Variants in KIF21A observed in about 807,000 individuals in gnomAD.
KIF21A encodes the protein kinesin family member 21A.
In KIF21A, 114 loss-of-function variants were observed where a neutral mutation model predicts 202.9. The ratio of observed to expected loss-of-function variants is 0.56; its 90% CI spans 0.48 to 0.66. KIF21A has a LOEUF of 0.66. KIF21A is among the 30% of genes least tolerant of loss of function. The pLI is 0.00. For missense variants in KIF21A, 1,677 were observed against 1,994.9 expected (o/e 0.84, Z 3.04); for synonymous variants, 667 against 670.8 (o/e 0.99, Z 0.09).
At chr12:39,307,853 T>G (rs1943628957) in intron 33 of KIF21A, 124 bp from the exon 34 acceptor site, 1 of 751,460 alleles carries the variant, frequency 1.3e-6, no homozygotes. Flanking sequence ...TGTCACTATA[T>G]GTATACTACC....
intron 1 of KIF21A, among the ~76,000 whole-genome samples, chr12:39,437,981 A>G (rs1441315152): frequency 6.6e-6 from 1 of 152,198 alleles, no homozygotes; most frequent in East Asian, 1.9e-4. Context: ...TCCTTATTAC[A>G]TTGAAATTAT....
At chr12:39,435,037 C>CAAAAGGTAACA (rs1392808793) in intron 1 of KIF21A, among the ~76,000 whole-genome samples, 1 of 152,158 alleles carries the variant, frequency 6.6e-6, no homozygotes, top group Admixed American at 6.5e-5. Context: ...AATCCAGTCT[C>CAAAAGGTAACA]AAAAGGTAAC....
At chr12:39,321,015 T>G (rs1435261422) in intron 27 of KIF21A, among the ~76,000 whole-genome samples, 1 of 151,166 alleles carries the variant, frequency 6.6e-6, no homozygotes, top group Non-Finnish European at 1.5e-5. Flanking sequence ...AGAATGGGTT[T>G]GCATGATTCC....
chr12:39,309,795 C>T (rs745370423), intron 32 of KIF21A, 29 bp from the exon 33 acceptor site: 1 of 1,582,032 alleles, frequency 6.3e-7, no homozygotes, highest in Admixed American at 1.7e-5. Context: ...AAAAAGAAAA[C>T]ACCATTAATA....
intron 37 of KIF21A, among the ~76,000 whole-genome samples, chr12:39,297,317 C>G (rs1031792824): frequency 2.0e-5 from 3 of 151,940 alleles, no homozygotes; most frequent in Non-Finnish European, 4.4e-5. Flanking sequence ...ATTCACAATA[C>G]CAAAGACTTG....
intron 31 of KIF21A, chr12:39,312,136 A>T (rs1399046701): frequency 6.5e-6 from 1 of 153,728 alleles, no homozygotes; most frequent in African/African-American, 2.4e-5. Context: ...ATTTAAAATA[A>T]CAGTGAATGG....
chr12:39,302,244 T>C (rs1943030846), intron 36 of KIF21A, among the ~76,000 whole-genome samples: 1 of 152,194 alleles, frequency 6.6e-6, no homozygotes, highest in South Asian at 2.1e-4. Context: ...ATCATGAATG[T>C]ATGTTTATTT....
At chr12:39,404,629 T>C (rs190634829) in intron 1 of KIF21A, among the ~76,000 whole-genome samples, 57 of 152,334 alleles carry the variant, frequency 3.7e-4, no homozygotes, top group Admixed American at 5.9e-4. Flanking sequence ...TTAGCATAAA[T>C]GCCATCTACT....
chr12:39,351,692 G>T (rs972975473), intron 11 of KIF21A, 85 bp downstream of exon 11: 17 of 790,370 alleles, frequency 2.2e-5, no homozygotes, highest in Non-Finnish European at 3.4e-5. Flanking sequence ...GTACTCATGA[G>T]ACTATGTATG....
intron 1 of KIF21A, among the ~76,000 whole-genome samples, chr12:39,419,259 A>T (rs116557878): frequency 1.2e-4 from 18 of 152,310 alleles, no homozygotes; most frequent in African/African-American, 4.3e-4. Flanking sequence ...TAGAGCCACA[A>T]GGAATCTTGG....
chr12:39,427,665 T>C (rs955549342), intron 1 of KIF21A, among the ~76,000 whole-genome samples: 1 of 152,142 alleles, frequency 6.6e-6, no homozygotes, highest in African/African-American at 2.4e-5. Context: ...TGCATCTTTT[T>C]TGTTTGTTTG....
chr12:39,370,721 G>C (rs566541644), intron 1 of KIF21A, among the ~76,000 whole-genome samples: 70 of 151,764 alleles, frequency 4.6e-4, no homozygotes, highest in African/African-American at 1.5e-3. Context: ...CGTCTTTTTT[G>C]CTAACTCTTC....
At chr12:39,379,342 AAC>A (rs1950469080) in intron 1 of KIF21A, among the ~76,000 whole-genome samples, 1 of 151,864 alleles carries the variant, frequency 6.6e-6, no homozygotes, top group African/African-American at 2.4e-5. Flanking sequence ...AAAAAAAAAA[AAC>A]CTGTTAGAAT....
chr12:39,397,052 A>C (rs1440034567), intron 1 of KIF21A, among the ~76,000 whole-genome samples: 1 of 152,230 alleles, frequency 6.6e-6, no homozygotes, highest in African/African-American at 2.4e-5. Context: ...CCTGAGACCG[A>C]CTATTTATTA....
chr12:39,390,012 C>G (rs1293112800), intron 1 of KIF21A, among the ~76,000 whole-genome samples: 2 of 152,178 alleles, frequency 1.3e-5, no homozygotes, highest in Non-Finnish European at 2.9e-5. Context: ...GTACATTTGT[C>G]TGTCTCCCAC....
At chr12:39,349,059 G>A (rs777193187) in intron 11 of KIF21A, among the ~76,000 whole-genome samples, 10 of 151,930 alleles carry the variant, frequency 6.6e-5, no homozygotes, top group African/African-American at 1.7e-4. Context: ...GCAGAATTAC[G>A]TGAGAACTGG....
chr12:39,346,766 T>G (rs932234589), intron 11 of KIF21A, among the ~76,000 whole-genome samples: 3 of 151,878 alleles, frequency 2.0e-5, no homozygotes, highest in Non-Finnish European at 4.4e-5. Flanking sequence ...CAGCAAAATG[T>G]ATAGTCTCAA....
intron 11 of KIF21A, among the ~76,000 whole-genome samples, chr12:39,347,373 C>T (rs1947992559): frequency 6.6e-6 from 1 of 151,736 alleles, no homozygotes; most frequent in South Asian, 2.1e-4. Flanking sequence ...GGGATCTTTA[C>T]TCAATGGAAT....
chr12:39,316,107 A>G (rs571865658), intron 29 of KIF21A, 137 bp from the exon 30 acceptor site: 98 of 728,686 alleles, frequency 1.3e-4, no homozygotes, highest in Non-Finnish European at 2.3e-4. Flanking sequence ...CTGCTTTTCT[A>G]CTTGCACTGG....
Sources: allele counts gnomAD v4.1 joint callset (sites outside exome capture counted in the v4.1 genomes callset), GRCh38; gene constraint gnomAD v4.1.1; transcripts MANE v1.5; gene names NCBI Gene and HGNC (gene_info 2026-07-23, HGNC 2026-07-21).